The following MEGF11 variants were observed in gnomAD, a reference collection of about 807,000 sequenced individuals.
The protein encoded by MEGF11 is multiple EGF like domains 11.
A neutral mutation model predicts 146.6 loss-of-function variants in MEGF11; 126 were observed. That is an observed-to-expected ratio of 0.86 (90% confidence interval 0.74 to 1.00). The LOEUF is 1.00. Among genes scored for constraint, MEGF11 ranks in the 50% least tolerant of loss-of-function variants. The pLI is 0.00. For missense variants in MEGF11, 1,509 were observed against 1,521.2 expected (o/e 0.99, Z 0.13); for synonymous variants, 532 against 583.4 (o/e 0.91, Z 1.27).
chr15:66,244,144 G>A (rs907781324), intron 1 of MEGF11, among the ~76,000 whole-genome samples: 2 of 152,084 alleles, frequency 1.3e-5, no homozygotes, highest in African/African-American at 2.4e-5. Context: ...CTGCTCAACC[G>A]CGAGGCCCTA....
Position 65,929,804 on chromosome 15 carries a change from G to C in MEGF11, c.1488C>G (p.Ala496=), listed in dbSNP as rs751864694. 1 of 1,574,400 alleles carries C rather than the reference G, an allele frequency of 6.4e-7. No homozygotes were observed. The highest frequency in any genetic ancestry group is 1.2e-5 in the South Asian group (1 of 85,678). Residue 496 remains alanine (A), a synonymous_variant, in exon 12 of 26, where the codon GCC becomes GCG. Transcript: ENST00000395614. The stretch of plus-strand genomic sequence containing the variant: ...CTATGGGGCTGCAGGCTGCCCCATT[G>C]GCACAGGTGCAGCTCTCGTTGCAGT... ...GLNCNESCTC[A]NGAACSPIDG... is the part of the protein sequence containing the mutation.
At chr15:66,163,283 T>C (rs1334070248) in intron 1 of MEGF11, among the ~76,000 whole-genome samples, 1 of 152,196 alleles carries the variant, frequency 6.6e-6, no homozygotes, top group East Asian at 1.9e-4. Flanking sequence ...GTTCTGAAGC[T>C]AGCAGAGAAG....
chr15:65,912,279 T>A, intron 20 of MEGF11, 79 bp from the exon 21 acceptor site: 1 of 903,754 alleles, frequency 1.1e-6, no homozygotes. Context: ...ATGCTTGCGC[T>A]GGGAGCCTTG....
intron 6 of MEGF11, among the ~76,000 whole-genome samples, chr15:65,981,773 C>G (rs548129810): frequency 3.9e-5 from 6 of 152,254 alleles, no homozygotes; most frequent in Admixed American, 3.9e-4. Flanking sequence ...GTAATCCTCC[C>G]AAATCTGTAC....
chr15:66,144,887 T>A (rs547052951), intron 1 of MEGF11, among the ~76,000 whole-genome samples: 1 of 152,244 alleles, frequency 6.6e-6, no homozygotes, highest in Non-Finnish European at 1.5e-5. Flanking sequence ...GCCTCTGATA[T>A]GCCAGGCACT....
intron 5 of MEGF11, among the ~76,000 whole-genome samples, chr15:65,989,019 G>A (rs536485932): frequency 6.6e-6 from 1 of 150,440 alleles, no homozygotes; most frequent in East Asian, 2.0e-4. Flanking sequence ...CACTGGGGCA[G>A]TTTTAAGAAA....
intron 5 of MEGF11, among the ~76,000 whole-genome samples, chr15:66,053,724 T>C (rs1192627575): frequency 6.8e-5 from 9 of 132,292 alleles, no homozygotes; most frequent in Non-Finnish European, 1.1e-4. Context: ...AATTTTTTTT[T>C]TTTTTTTTTT....
chr15:66,040,969 C>A (rs1312946944), intron 5 of MEGF11, among the ~76,000 whole-genome samples: 1 of 151,342 alleles, frequency 6.6e-6, no homozygotes, highest in Non-Finnish European at 1.5e-5. Context: ...CTGACAATAG[C>A]CCTGCCCGAG....
chr15:65,922,496 G>T, intron 14 of MEGF11, 24 bp from the exon 15 acceptor site: 2 of 1,537,232 alleles, frequency 1.3e-6, no homozygotes, highest in South Asian at 2.5e-5. Context: ...GAAGATGGTG[G>T]TCAGCAGCCC....
At chr15:65,907,113 TTTGACTCTCC>T (rs2078652286) in intron 23 of MEGF11, among the ~76,000 whole-genome samples, 2 of 152,114 alleles carry the variant, frequency 1.3e-5, no homozygotes, top group South Asian at 4.1e-4. Context: ...TAAAATACAG[TTTGACTCTCC>T]TTGACTCTTC....
At chr15:66,057,531 G>C (rs2084727745) in intron 5 of MEGF11, among the ~76,000 whole-genome samples, 1 of 152,090 alleles carries the variant, frequency 6.6e-6, no homozygotes, top group African/African-American at 2.4e-5. Context: ...ATCAGGTAGA[G>C]CTGGGCTGCT....
chr15:65,965,055 T>C lies in MEGF11; in HGVS notation c.965A>G (p.Asn322Ser). 1 of 1,594,506 alleles carries C rather than the reference T, an allele frequency of 6.3e-7. No individual in the cohort carries two copies. Among genetic ancestry groups the C allele is most frequent in the Non-Finnish European group, 8.5e-7 (1 of 1,170,370 alleles). The stretch of plus-strand genomic sequence containing the variant: ...CGTGGTGGGTGAACACTGCCCCCCA[T>C]TGTGGCAGTCACAGTGCTGTGAGCA... ...FQCSQHCDCH[N>S]GGQCSPTTGA... The change falls in exon 9 of 26, where the codon AAT (asparagine) becomes AGT (serine). Residue 322 changes from asparagine to serine, a missense_variant. Physicochemically the swap from Asn to Ser is conservative, Grantham distance 46 (BLOSUM62 1). Coordinates refer to ENST00000395614, the MANE Select transcript of MEGF11 (RefSeq NM_001385028.1).
intron 1 of MEGF11, among the ~76,000 whole-genome samples, chr15:66,228,666 G>T (rs971536740): frequency 6.6e-6 from 1 of 152,208 alleles, no homozygotes; most frequent in African/African-American, 2.4e-5. Flanking sequence ...GAGGGGTTGG[G>T]ACTCATCACC....
intron 5 of MEGF11, among the ~76,000 whole-genome samples, chr15:65,990,957 A>G (rs763704798): frequency 2.6e-5 from 4 of 152,154 alleles, no homozygotes; most frequent in Non-Finnish European, 4.4e-5. Flanking sequence ...TGCCACTTAG[A>G]TTGTTGGAAT....
At chr15:66,088,947 A>C (rs2086218549) in intron 5 of MEGF11, among the ~76,000 whole-genome samples, 1 of 152,228 alleles carries the variant, frequency 6.6e-6, no homozygotes, top group Non-Finnish European at 1.5e-5. Context: ...TGAATGTACC[A>C]ATGTTACCAA....
At chr15:66,131,264 T>A (rs2088635456) in intron 1 of MEGF11, among the ~76,000 whole-genome samples, 1 of 152,254 alleles carries the variant, frequency 6.6e-6, no homozygotes, top group Non-Finnish European at 1.5e-5. Flanking sequence ...TCAGCCCACA[T>A]GGCCACCCAT....
At chr15:65,906,927 G>T (rs774072911) in intron 23 of MEGF11, among the ~76,000 whole-genome samples, 1 of 152,224 alleles carries the variant, frequency 6.6e-6, no homozygotes, top group Non-Finnish European at 1.5e-5. Flanking sequence ...CTGAGCCTCA[G>T]CCAGAGGCTT....
At chr15:65,914,185 T>G in intron 19 of MEGF11, 1 of 577,582 alleles carries the variant, frequency 1.7e-6, no homozygotes, top group East Asian at 2.8e-5. Flanking sequence ...CAAGGAGCAA[T>G]TGTGACTGTC....
At chr15:66,121,674 G>A (rs574858970) in intron 3 of MEGF11, among the ~76,000 whole-genome samples, 1 of 152,300 alleles carries the variant, frequency 6.6e-6, no homozygotes, top group Admixed American at 6.5e-5. Flanking sequence ...GCAGGTGAAA[G>A]GGGAAACCTT....
Sources: allele counts gnomAD v4.1 joint callset (sites outside exome capture counted in the v4.1 genomes callset), GRCh38; gene constraint gnomAD v4.1.1; transcripts MANE v1.5; gene names NCBI Gene and HGNC (gene_info 2026-07-23, HGNC 2026-07-21).